PALM2AKAP2: variants seen among roughly 807,000 people sequenced by gnomAD.
PALM2AKAP2 encodes the protein PALM2-AKAP2 fusion protein.
In PALM2AKAP2, 37 loss-of-function variants were observed where a neutral mutation model predicts 71.5. The ratio of observed to expected loss-of-function variants is 0.52; its 90% CI spans 0.40 to 0.68. PALM2AKAP2 has a LOEUF of 0.68. Among genes scored for constraint, PALM2AKAP2 ranks in the 30% least tolerant of loss-of-function variants. The pLI is 0.00. For synonymous variants in PALM2AKAP2, 468 were observed against 478.8 expected, an observed-to-expected ratio of 0.98 and a Z score of 0.29; for missense variants, 1,224 against 1,191.8, an observed-to-expected ratio of 1.03 and a Z score of -0.40.
intron 1 of PALM2AKAP2, among the ~76,000 whole-genome samples, chr9:109,785,826 C>T (rs1032194518): frequency 6.6e-6 from 1 of 152,178 alleles, no homozygotes; most frequent in Non-Finnish European, 1.5e-5. Context: ...GTACATCCAG[C>T]CTTGGAAGGG....
intron 1 of PALM2AKAP2, among the ~76,000 whole-genome samples, chr9:109,725,711 A>C (rs1276534162): frequency 6.6e-6 from 1 of 152,246 alleles, no homozygotes; most frequent in Admixed American, 6.5e-5. Context: ...TGTTGCATTA[A>C]AGAGTACATA....
At chr9:109,882,041 C>G (rs146265382) in intron 3 of PALM2AKAP2, among the ~76,000 whole-genome samples, 1 of 151,856 alleles carries the variant, frequency 6.6e-6, no homozygotes, top group African/African-American at 2.4e-5. Context: ...GCACCAACCA[C>G]GCCCAGCTAA....
In PALM2AKAP2 at chr9:109,725,907, C is replaced by A. The variant is rs1387214722; in HGVS notation, c.6-54581C>A. On this transcript the variant is annotated intron_variant, in intron 1 of 6. Transcript: ENST00000374531. ...CTATTTTATTTTCTCTCACAAAACT[C>A]CCTTTTGCTAACATACCCTCTTACA... 2.0e-5 allele frequency among the ~76,000 whole-genome samples: 3 copies of A among 152,190 alleles called. No homozygotes were observed. In the East Asian group the frequency reaches 5.8e-4, roughly 29 times the overall value.
intron 6 of PALM2AKAP2, among the ~76,000 whole-genome samples, chr9:109,976,047 G>A (rs1422748971): frequency 2.6e-5 from 4 of 152,140 alleles, no homozygotes; most frequent in Admixed American, 6.5e-5. Flanking sequence ...CATTTTTTCT[G>A]AAACTATTCC....
At chr9:110,014,641 C>T (rs900257948) in intron 6 of PALM2AKAP2, among the ~76,000 whole-genome samples, 14 of 150,732 alleles carry the variant, frequency 9.3e-5, no homozygotes, top group African/African-American at 3.4e-4. Context: ...GGTGTGGTGG[C>T]ACATACCTGT....
intron 1 of PALM2AKAP2, among the ~76,000 whole-genome samples, chr9:109,722,370 G>A (rs1828418236): frequency 6.6e-6 from 1 of 152,170 alleles, no homozygotes; most frequent in African/African-American, 2.4e-5. Flanking sequence ...AGTTTCCTCA[G>A]GAGTGGAGAG....
rs781068844 is a variant in PALM2AKAP2 at position 109,931,991 on chromosome 9, A to G, written c.459A>G (p.Glu153=). The change falls in exon 6 of 10, where the codon GAA becomes GAG. Residue 153 remains glutamate (E), a synonymous_variant. Coordinates refer to the PALM2AKAP2 transcript ENST00000302798. ...CAATCCTCTGTTCACGAACAGCAGA[A>G]CCATCACCTGGGCAGGACGGGACCA... The G allele has an allele frequency of 8.7e-6, 14 of 1,614,080 alleles. No individual in the cohort carries two copies. The South Asian group carries it at 1.3e-4, about 15-fold the overall frequency.
chr9:110,052,012 C>T (rs1484632558), intron 1 of PALM2AKAP2, among the ~76,000 whole-genome samples: 1 of 151,982 alleles, frequency 6.6e-6, no homozygotes, highest in East Asian at 1.9e-4. Flanking sequence ...ACATCATTCT[C>T]CTGCCTCAGC....
At chr9:109,715,543 C>T (rs537329333) in intron 1 of PALM2AKAP2, among the ~76,000 whole-genome samples, 33 of 152,276 alleles carry the variant, frequency 2.2e-4, no homozygotes, top group African/African-American at 5.3e-4. Flanking sequence ...CCAATCCAGC[C>T]GCTCAGCCTG....
At chr9:110,148,568 C>A (rs1423049502) in intron 2 of PALM2AKAP2, 1 of 152,110 alleles carries the variant, frequency 6.6e-6, no homozygotes. Context: ...TGAGAGGAAA[C>A]GAAATTGAAA....
upstream of PALM2AKAP2, among the ~76,000 whole-genome samples, chr9:109,779,801 G>A (rs913774723): frequency 6.6e-6 from 1 of 152,186 alleles, no homozygotes; most frequent in Non-Finnish European, 1.5e-5. Flanking sequence ...GAGCTCAAGC[G>A]TCTGGCTTGA....
At chr9:109,942,369 T>C (rs1831390677) in intron 6 of PALM2AKAP2, among the ~76,000 whole-genome samples, 1 of 152,232 alleles carries the variant, frequency 6.6e-6, no homozygotes. Flanking sequence ...AGTTTGCATG[T>C]TGCCAGCCTC....
chr9:109,851,188 C>A (rs1266375091), intron 1 of PALM2AKAP2, among the ~76,000 whole-genome samples: 1 of 44,602 alleles, frequency 2.2e-5, no homozygotes, highest in South Asian at 1.1e-3. Flanking sequence ...ACAACAACAA[C>A]AACAACAACA....
chr9:109,712,643 A>G (rs1181315053), intron 1 of PALM2AKAP2, among the ~76,000 whole-genome samples: 1 of 152,228 alleles, frequency 6.6e-6, no homozygotes, highest in East Asian at 1.9e-4. Flanking sequence ...AAACAAGCCA[A>G]TGGCTTTTTC....
chr9:109,641,744 C>G (rs1012233924), intron 1 of PALM2AKAP2, among the ~76,000 whole-genome samples: 1 of 152,210 alleles, frequency 6.6e-6, no homozygotes, highest in African/African-American at 2.4e-5. Context: ...TCTTCCCACA[C>G]TACTCCTTGA....
upstream of PALM2AKAP2, among the ~76,000 whole-genome samples, chr9:110,047,721 C>T (rs1833625599): frequency 6.6e-6 from 1 of 152,184 alleles, no homozygotes; most frequent in African/African-American, 2.4e-5. Context: ...AATGCGGCCA[C>T]CTACAGCAGA....
At chr9:109,905,135 G>T (rs1424948783) in intron 3 of PALM2AKAP2, among the ~76,000 whole-genome samples, 1 of 152,158 alleles carries the variant, frequency 6.6e-6, no homozygotes, top group Non-Finnish European at 1.5e-5. Context: ...TAGAATTAGG[G>T]CTGTTAAGTC....
chr9:109,689,753 C>G (rs1827855485), intron 1 of PALM2AKAP2, among the ~76,000 whole-genome samples: 1 of 152,200 alleles, frequency 6.6e-6, no homozygotes, highest in Non-Finnish European at 1.5e-5. Context: ...CCTTTCCAGT[C>G]TCAGGCCACA....
intron 6 of PALM2AKAP2, chr9:109,943,166 C>T (rs763844892): frequency 1.4e-5 from 22 of 1,613,970 alleles, no homozygotes; most frequent in East Asian, 4.5e-5. Context: ...GAAGAGGAGA[C>T]GAAAAAGGTG....
Sources: allele counts gnomAD v4.1 joint callset (sites outside exome capture counted in the v4.1 genomes callset), GRCh38; gene constraint gnomAD v4.1.1; transcripts MANE v1.5; gene names NCBI Gene and HGNC (gene_info 2026-07-23, HGNC 2026-07-21).